Variants in NFIA observed in about 807,000 individuals in gnomAD.
The protein encoded by NFIA is nuclear factor 1 A-type.
In NFIA, 8 loss-of-function variants were observed where a neutral mutation model predicts 62.8. The ratio of observed to expected loss-of-function variants is 0.13; its 90% CI spans 0.07 to 0.23. The LOEUF is 0.23. Ranked by LOEUF, NFIA falls within the 10% of genes least tolerant of loss-of-function variation. The pLI, the probability that NFIA is intolerant of heterozygous loss-of-function variation, is 1.00. For missense variants in NFIA, 410 were observed against 642.1 expected, an observed-to-expected ratio of 0.64 and a Z score of 3.91; for synonymous variants, 235 against 238.1, an observed-to-expected ratio of 0.99 and a Z score of 0.12.
At chr1:61,441,353 G>GTC (rs1667574381) in intron 10 of NFIA, among the ~76,000 whole-genome samples, 2 of 151,306 alleles carry the variant, frequency 1.3e-5, no homozygotes, top group African/African-American at 4.9e-5. Flanking sequence ...CTGTCTGTCT[G>GTC]TGTAACCTGT....
intron 3 of NFIA, among the ~76,000 whole-genome samples, chr1:61,287,665 A>C (rs2782546): frequency 0.99 from 147,372 of 149,304 alleles, 72,740 homozygotes; most frequent in Admixed American, 1. Context: ...AACCCCCCCC[A>C]AAAAAAACAA....
At chr1:61,272,960 T>C (rs1657603484) in intron 2 of NFIA, among the ~76,000 whole-genome samples, 1 of 152,202 alleles carries the variant, frequency 6.6e-6, no homozygotes, top group East Asian at 1.9e-4. Flanking sequence ...GACTTCATCT[T>C]TAGCCAAATC....
At position 61,460,297 on chromosome 1, in the gene NFIA, G is replaced by C. The variant is rs1668480135; in HGVS notation, c.*4977G>C. 1 of 152,064 alleles carries C rather than the reference G, an allele frequency of 6.6e-6. No individual in the cohort carries two copies. Among genetic ancestry groups the C allele is most frequent in the Admixed American group, 6.5e-5 (1 of 15,276 alleles). The allele number at this position is 152,064 out of a possible 1,614,324, so 9.4% of individuals were successfully genotyped here. On this transcript the variant is annotated 3_prime_UTR_variant, in exon 11 of 11. Coordinates refer to ENST00000403491, the MANE Select transcript of NFIA (RefSeq NM_001134673.4). ...TTTTCCAATAAAAAAGCAGTGGGATGAAAATTGCTTTGATATATAGCAGGT... is the reference window on the plus strand; with the variant it reads ...TTTTCCAATAAAAAAGCAGTGGGATCAAAATTGCTTTGATATATAGCAGGT...
At chr1:61,266,059 T>C (rs1364856214) in intron 2 of NFIA, among the ~76,000 whole-genome samples, 1 of 152,216 alleles carries the variant, frequency 6.6e-6, no homozygotes, top group African/African-American at 2.4e-5. Flanking sequence ...TTGCTAGTGA[T>C]GTGTTTCAAA....
At chr1:61,087,548 T>C (rs1402369391) in intron 1 of NFIA, among the ~76,000 whole-genome samples, 2 of 152,206 alleles carry the variant, frequency 1.3e-5, no homozygotes, top group Non-Finnish European at 2.9e-5. Context: ...TATGTAGTTA[T>C]AATATTTAAA....
intron 10 of NFIA, among the ~76,000 whole-genome samples, chr1:61,445,485 G>A (rs2261980): frequency 0.36 from 54,792 of 152,016 alleles, 12,224 homozygotes; most frequent in African/African-American, 0.62. Flanking sequence ...AAAAAAAAAT[G>A]CTATCATTTG....
intron 3 of NFIA, among the ~76,000 whole-genome samples, chr1:61,287,270 A>G (rs1162162250): frequency 6.6e-6 from 1 of 152,194 alleles, no homozygotes; most frequent in Non-Finnish European, 1.5e-5. Context: ...TGAGACTCTG[A>G]TTTGTCATGG....
intron 3 of NFIA, among the ~76,000 whole-genome samples, chr1:61,330,061 C>G (rs764626330): frequency 1.3e-5 from 2 of 151,960 alleles, no homozygotes; most frequent in Non-Finnish European, 2.9e-5. Flanking sequence ...GATGAGTGGC[C>G]GATGGTTCAT....
At chr1:61,286,195 A>G (rs1363581123) in intron 3 of NFIA, among the ~76,000 whole-genome samples, 2 of 152,108 alleles carry the variant, frequency 1.3e-5, no homozygotes, top group African/African-American at 2.4e-5. Flanking sequence ...TGGGAGGCCA[A>G]GGCAGGCGGA....
intron 2 of NFIA, among the ~76,000 whole-genome samples, chr1:61,186,975 G>A (rs1444921076): frequency 6.6e-6 from 1 of 152,170 alleles, no homozygotes; most frequent in African/African-American, 2.4e-5. Context: ...TGGCATCCCA[G>A]TGGTGCTGTA....
Position 61,243,004 on chromosome 1 carries a change from G to A in NFIA, c.560-34516G>A, listed in dbSNP as rs539901481. ...GGGTAGTCAAGAAATGTGACTTTTC[G>A]GTCCTTTTTTTAATGATTTTCTCCT... On this transcript the variant is annotated intron_variant, in intron 2 of 10. Coordinates refer to ENST00000403491, the MANE Select transcript of NFIA (RefSeq NM_001134673.4). 4.6e-5 allele frequency among the ~76,000 whole-genome samples: 7 copies of A among 151,870 alleles called. No homozygotes were observed. In the South Asian group the frequency reaches 1.0e-3, roughly 23 times the overall value.
At chr1:61,442,695 G>GA (rs1256595436) in intron 10 of NFIA, among the ~76,000 whole-genome samples, 2 of 151,942 alleles carry the variant, frequency 1.3e-5, no homozygotes, top group African/African-American at 4.8e-5. Flanking sequence ...AAAGAAAGAA[G>GA]AAAAAATACA....
At chr1:61,161,190 C>T (rs1649176927) in intron 2 of NFIA, among the ~76,000 whole-genome samples, 2 of 152,366 alleles carry the variant, frequency 1.3e-5, no homozygotes, top group Middle Eastern at 3.4e-3. Context: ...GCTGGGATTA[C>T]AGGTGTGCAC....
chr1:61,372,177 T>A (rs2100465316), intron 6 of NFIA, among the ~76,000 whole-genome samples: 1 of 152,246 alleles, frequency 6.6e-6, no homozygotes, highest in African/African-American at 2.4e-5. Context: ...GGTGAATCAT[T>A]AACTCCAATA....
chr1:61,448,531 G>A (rs968062027), intron 10 of NFIA, among the ~76,000 whole-genome samples: 2 of 152,146 alleles, frequency 1.3e-5, no homozygotes, highest in Non-Finnish European at 2.9e-5. Context: ...GTAGCCCCTA[G>A]CCAGGCATTT....
At chr1:61,306,116 C>G (rs904234228) in intron 3 of NFIA, among the ~76,000 whole-genome samples, 24 of 152,060 alleles carry the variant, frequency 1.6e-4, no homozygotes, top group Admixed American at 2.6e-4. Flanking sequence ...TCCCAAAGTG[C>G]TGGGATTACA....
intron 2 of NFIA, among the ~76,000 whole-genome samples, chr1:61,122,527 A>G (rs1646904558): frequency 6.6e-6 from 1 of 152,194 alleles, no homozygotes; most frequent in Non-Finnish European, 1.5e-5. Flanking sequence ...TGGTAGCACT[A>G]CAGATTGTAT....
At chr1:61,314,654 A>T (rs1660277579) in intron 3 of NFIA, among the ~76,000 whole-genome samples, 1 of 152,176 alleles carries the variant, frequency 6.6e-6, no homozygotes, top group South Asian at 2.1e-4. Context: ...TGCCTCCAAC[A>T]TATACACTTG....
intron 7 of NFIA, among the ~76,000 whole-genome samples, chr1:61,401,192 T>C (rs1665541715): frequency 6.6e-6 from 1 of 152,158 alleles, no homozygotes; most frequent in East Asian, 1.9e-4. Context: ...CCCTTTAAAA[T>C]GCAGACTCAG....
Sources: allele counts gnomAD v4.1 joint callset (sites outside exome capture counted in the v4.1 genomes callset), GRCh38; gene constraint gnomAD v4.1.1; transcripts MANE v1.5; gene names NCBI Gene and HGNC (gene_info 2026-07-23, HGNC 2026-07-21).